PRRX1: variants seen among roughly 807,000 people sequenced by gnomAD.
PRRX1 encodes paired mesoderm homeobox protein 1.
PRRX1 carries 8 observed loss-of-function variants against 24.0 expected under a neutral mutation model. That is an observed-to-expected ratio of 0.33 (90% CI 0.20 to 0.60). The LOEUF is 0.60. Among genes scored for constraint, PRRX1 ranks in the 20% least tolerant of loss-of-function variants. The probability of loss-of-function intolerance (pLI) is 0.82; values close to 1 mark genes in which losing one functional copy is unlikely to be tolerated. For missense variants in PRRX1, 281 were observed against 322.4 expected (o/e 0.87, Z 0.98); for synonymous variants, 160 against 131.7 (o/e 1.22, Z -1.47).
At chr1:170,700,452 T>A (rs1654318618) in intron 1 of PRRX1, among the ~76,000 whole-genome samples, 1 of 152,158 alleles carries the variant, frequency 6.6e-6, no homozygotes, top group Non-Finnish European at 1.5e-5. Flanking sequence ...ACTTATCTAG[T>A]AATTTAGATA....
intron 1 of PRRX1, among the ~76,000 whole-genome samples, chr1:170,695,174 G>GA (rs2101900725): frequency 6.6e-6 from 1 of 152,298 alleles, no homozygotes; most frequent in African/African-American, 2.4e-5. Context: ...ATTAGAGACA[G>GA]AAGGAGCTAG....
chr1:170,707,378 A>G (rs772696638), intron 1 of PRRX1, among the ~76,000 whole-genome samples: 1 of 152,170 alleles, frequency 6.6e-6, no homozygotes, highest in Non-Finnish European at 1.5e-5. Context: ...AGAAAGGAAA[A>G]TATTTCCTTT....
intron 1 of PRRX1, among the ~76,000 whole-genome samples, chr1:170,719,264 G>A (rs978252430): frequency 6.6e-6 from 1 of 152,202 alleles, no homozygotes; most frequent in African/African-American, 2.4e-5. Flanking sequence ...CTATGTATTT[G>A]TTCATGTATA....
intron 1 of PRRX1, among the ~76,000 whole-genome samples, chr1:170,712,889 A>C (rs1369006816): frequency 6.6e-6 from 1 of 152,172 alleles, no homozygotes; most frequent in African/African-American, 2.4e-5. Context: ...TCTGACAAAA[A>C]GATTCTTATT....
chr1:170,734,700 G>A (rs1205718198), intron 3 of PRRX1, among the ~76,000 whole-genome samples: 1 of 151,924 alleles, frequency 6.6e-6, no homozygotes, highest in Admixed American at 6.6e-5. Flanking sequence ...CACTTAACCA[G>A]GGCTATAAAG....
At chr1:170,695,860 C>A (rs1571328781) in intron 1 of PRRX1, among the ~76,000 whole-genome samples, 1 of 151,708 alleles carries the variant, frequency 6.6e-6, no homozygotes, top group East Asian at 1.9e-4. Flanking sequence ...CCTCTCTATT[C>A]TCTGAGACCT....
chr1:170,703,705 A>G (rs1420640212), intron 1 of PRRX1, among the ~76,000 whole-genome samples: 1 of 152,168 alleles, frequency 6.6e-6, no homozygotes, highest in East Asian at 1.9e-4. Flanking sequence ...CTCTGTAGCC[A>G]AACTACCAGA....
intron 1 of PRRX1, among the ~76,000 whole-genome samples, chr1:170,714,050 G>A (rs1654830725): frequency 6.6e-6 from 1 of 152,176 alleles, no homozygotes; most frequent in African/African-American, 2.4e-5. Flanking sequence ...GATGCACTAA[G>A]CTCAGTCTAT....
chr1:170,718,304 C>T (rs952922093), intron 1 of PRRX1, among the ~76,000 whole-genome samples: 29 of 152,186 alleles, frequency 1.9e-4, no homozygotes, highest in Non-Finnish European at 2.5e-4. Flanking sequence ...GAAGGATTCT[C>T]TTAGCAAAAG....
chr1:170,720,023 G>A (rs529539913), intron 2 of PRRX1, 122 bp downstream of exon 2: 146 of 1,318,432 alleles, frequency 1.1e-4, no homozygotes, highest in African/African-American at 8.4e-4. Flanking sequence ...ATCTCAGCAC[G>A]TTGGGAGGTT....
chr1:170,684,104 T>A (rs1653649754), intron 1 of PRRX1, among the ~76,000 whole-genome samples: 1 of 152,184 alleles, frequency 6.6e-6, no homozygotes, highest in Admixed American at 6.5e-5. Context: ...TAGTTCATAT[T>A]CAGCATGATT....
Position 170,738,458 on chromosome 1 carries a change from T to C in PRRX1, c.*2272T>C, listed in dbSNP as rs1281751307. The C allele has an allele frequency of 4.4e-6, 1 of 228,398 alleles. No homozygotes were observed. The allele number at this position is 228,398 out of a possible 1,614,324, so 14.1% of individuals were successfully genotyped here. A position where few individuals can be genotyped will look rare whatever the true frequency, so the allele number is the denominator to read the frequency against. On this transcript the variant is annotated 3_prime_UTR_variant, in exon 4 of 4. Transcript: ENST00000239461. ...AACATTTCTTACTGAATGGTTCATG[T>C]AGGCTTGCTGAACAGCACGCATTAC...
intron 1 of PRRX1, among the ~76,000 whole-genome samples, chr1:170,715,731 C>CAAAATGG (rs1293152310): frequency 6.6e-6 from 1 of 152,150 alleles, no homozygotes; most frequent in Non-Finnish European, 1.5e-5. Flanking sequence ...ACATCTGGAT[C>CAAAATGG]AAAATGGCTT....
intron 3 of PRRX1, chr1:170,728,137 G>A (rs1368337281): frequency 1.3e-5 from 2 of 152,158 alleles, no homozygotes; most frequent in Non-Finnish European, 2.9e-5. Flanking sequence ...AAACAATCCA[G>A]ATGGCTGCCA....
intron 1 of PRRX1, among the ~76,000 whole-genome samples, chr1:170,692,119 G>C (rs572915567): frequency 6.6e-6 from 1 of 151,998 alleles, no homozygotes; most frequent in Admixed American, 6.6e-5. Flanking sequence ...TGAGAGAGGA[G>C]CCAATTCCAT....
rs759227616 is a variant in PRRX1 at position 170,687,746 on chromosome 1, G to A, written c.241+23287G>A. On this transcript the variant is annotated intron_variant, in intron 1 of 3. Coordinates refer to ENST00000239461, the MANE Select transcript of PRRX1 (RefSeq NM_022716.4). ...CAATTGAACAGACATTGTGGAGTCCGTTATCACTCAGCCATAAAAACTGTG... is the reference window on the plus strand; with the variant it reads ...CAATTGAACAGACATTGTGGAGTCCATTATCACTCAGCCATAAAAACTGTG... 3.9e-5 allele frequency among the ~76,000 whole-genome samples: 6 copies of A among 152,204 alleles called. No homozygotes were observed. The East Asian group carries it at 9.6e-4, about 24-fold the overall frequency.
chr1:170,716,713 G>A (rs553989957), intron 1 of PRRX1, among the ~76,000 whole-genome samples: 52 of 152,294 alleles, frequency 3.4e-4, no homozygotes, highest in African/African-American at 1.2e-3. Flanking sequence ...TCTTCAGACA[G>A]CATGTTTCAA....
At position 170,736,186 on chromosome 1, in the gene PRRX1, A is replaced by T; in HGVS notation, c.738A>T (p.Ter246CysextTer9). The T allele has an allele frequency of 1.5e-5, 24 of 1,614,152 alleles. No homozygotes were observed. Among genetic ancestry groups the T allele is most frequent in the Non-Finnish European group, 2.0e-5 (24 of 1,179,978 alleles). The change falls in exon 4 of 4, where the codon TGA (stop) becomes TGT (cysteine). Residue 246 changes from the stop codon to cysteine, a stop_lost. Coordinates refer to ENST00000239461, the MANE Select transcript of PRRX1 (RefSeq NM_022716.4). Reference sequence around the variant, plus strand: ...GGAACCAGGTGCCAACAGTCAACTGAGGAAAAAAAATAATTAAACAGGCCT... The same window carrying T: ...GGAACCAGGTGCCAACAGTCAACTGTGGAAAAAAAATAATTAAACAGGCCT... ...LQRNQVPTVN[*>C]
In PRRX1 at chr1:170,738,670, G is replaced by C. The variant is rs1655701244; in HGVS notation, c.*2484G>C. On this transcript the variant is annotated 3_prime_UTR_variant, in exon 4 of 4. Coordinates refer to ENST00000239461, the MANE Select transcript of PRRX1 (RefSeq NM_022716.4). ...AATGGCTAAGAAGATTTGAATTATA[G>C]GGAGGGAACAGAAATCATACATGAA... 1 of 228,776 alleles carries C rather than the reference G, an allele frequency of 4.4e-6. No homozygotes were observed. Among genetic ancestry groups the C allele is most frequent in the Non-Finnish European group, 8.7e-6 (1 of 115,394 alleles). The allele number at this position is 228,776 out of a possible 1,614,324, so 14.2% of individuals were successfully genotyped here. A position where few individuals can be genotyped will look rare whatever the true frequency, so the allele number is the denominator to read the frequency against.
Sources: allele counts gnomAD v4.1 joint callset (sites outside exome capture counted in the v4.1 genomes callset), GRCh38; gene constraint gnomAD v4.1.1; transcripts MANE v1.5; gene names NCBI Gene and HGNC (gene_info 2026-07-23, HGNC 2026-07-21).